The following TPP1 variants were observed in gnomAD, a reference collection of about 807,000 sequenced individuals.
TPP1 encodes the protein tripeptidyl peptidase 1.
Under a neutral mutation model 67.6 loss-of-function variants are expected in TPP1, and 43 were observed. The observed-to-expected ratio is 0.64, with a 90% CI of 0.50 to 0.82. The LOEUF (loss-of-function observed/expected upper bound fraction) is 0.82, where lower values mean the gene tolerates loss of function less well. TPP1 is among the 40% of genes least tolerant of loss of function. The probability of loss-of-function intolerance (pLI) is 0.00; values close to 1 mark genes in which losing one functional copy is unlikely to be tolerated. For synonymous variants in TPP1, 272 were observed against 281.5 expected (o/e 0.97, Z 0.34); for missense variants, 671 against 710.9 (o/e 0.94, Z 0.64).
At chr11:6,617,209 A>C in intron 5 of TPP1, 56 bp from the exon 6 acceptor site, 6 of 1,613,756 alleles carry the variant, frequency 3.7e-6, no homozygotes, top group Non-Finnish European at 5.1e-6. Context: ...CCCACCTTAC[A>C]ACTCACCCCA....
chr11:6,619,152 A>G (rs1289125046), intron 2 of TPP1, 44 bp downstream of exon 2: 2 of 1,610,032 alleles, frequency 1.2e-6, no homozygotes, highest in East Asian at 4.5e-5. Context: ...TGGGAGGCAG[A>G]ACAGGGTATG....
At chr11:6,618,408 G>C in intron 3 of TPP1, 1 of 476,548 alleles carries the variant, frequency 2.1e-6, no homozygotes. Flanking sequence ...CAGTAGTCCA[G>C]GAGTGGGAAT....
rs1023132270 is a variant in TPP1 at position 6,616,664 on chromosome 11, G to T, written c.883C>A (p.Pro295Thr). 5 of 1,613,852 alleles carry T rather than the reference G, an allele frequency of 3.1e-6. No homozygotes were observed. Among genetic ancestry groups the T allele is most frequent in the Non-Finnish European group, 4.2e-6 (5 of 1,179,976 alleles). ...TGTCCAGTCCTCTTGGTAGTACCAG[G>T]GCTACTGTAGACCCAGGTGGAGATG... ...ANISTWVYSS[P>T]GRHEGQEPFL... The change falls in exon 7 of 13, where the codon CCT becomes ACT. Residue 295 changes from proline to threonine, a missense_variant. By Grantham distance (38) the Pro-to-Thr change is conservative (BLOSUM62 -1). Coordinates refer to ENST00000299427, the MANE Select transcript of TPP1 (RefSeq NM_000391.4).
In TPP1 at chr11:6,614,699, C is replaced by G. The variant is rs1855548942; in HGVS notation, c.1552-13G>C. 6.2e-7 allele frequency: 1 copy of G among 1,614,132 alleles called. No homozygotes were observed. The highest frequency in any genetic ancestry group is 8.5e-7 in the Non-Finnish European group (1 of 1,180,024). ...AGCCACGGGTTACCTAGGGAGGAGG[C>G]TGGCATCAGATCTGGGCCTACTAGT... On this transcript the variant is annotated splice_polypyrimidine_tract_variant and intron_variant, in intron 12 of 12. Transcript: ENST00000299427.
At chr11:6,618,096 G>A (rs921688299) in intron 3 of TPP1, 7 of 404,256 alleles carry the variant, frequency 1.7e-5, no homozygotes, top group South Asian at 7.1e-5. Context: ...GCTTATGTCC[G>A]GTAAATGTTT....
Position 6,614,879 on chromosome 11 carries a change from G to A in TPP1, c.1538C>T (p.Ala513Val). The change falls in exon 12 of 13, where the codon GCA becomes GTA. Residue 513 changes from alanine (A) to valine (V), a missense_variant. By Grantham distance (64) the Ala-to-Val change is moderately conservative (BLOSUM62 0). Transcript: ENST00000299427. Reference protein sequence around the residue: ...LNPRLYQQHGAGLFDVTRGCH... With the variant: ...LNPRLYQQHGVGLFDVTRGCH... ...TTCCATACTTACATCAAAGAGTCCT[G>A]CCCCATGCTGCTGGTAGAGCCTTGG... 5 of 1,614,052 alleles carry A rather than the reference G, an allele frequency of 3.1e-6. No individual in the cohort carries two copies. Among genetic ancestry groups the A allele is most frequent in the Non-Finnish European group, 4.2e-6 (5 of 1,180,030 alleles).
At position 6,614,561 on chromosome 11, in the gene TPP1, A is replaced by C; in HGVS notation, c.1677T>G (p.Thr559=). The change falls in exon 13 of 13, where the codon ACT becomes ACG. Residue 559 remains threonine, a synonymous_variant. Transcript: ENST00000299427. Reference sequence around the variant, plus strand: ...TAGGAAAGGGTCAGGGGTTGAGTAGAGTCTTCAGCAAAGCTGGGAAGTTGG... The same window carrying C: ...TAGGAAAGGGTCAGGGGTTGAGTAGCGTCTTCAGCAAAGCTGGGAAGTTGG... ...GTPNFPALLK[T]LLNP 1 of 1,614,050 alleles carries C rather than the reference A, an allele frequency of 6.2e-7. No homozygotes were observed. The highest frequency in any genetic ancestry group is 2.2e-5 in the East Asian group (1 of 44,838).
Position 6,617,749 on chromosome 11 carries a change from G to C in TPP1, c.257C>G (p.Ala86Gly), listed in dbSNP as rs773275639. 2 of 1,614,220 alleles carry C rather than the reference G, an allele frequency of 1.2e-6. No individual in the cohort carries two copies. Among genetic ancestry groups the C allele is most frequent in the East Asian group, 4.5e-5 (2 of 44,890 alleles). ...CAGTGGGGATGGCCTCACCAGATCA[G>C]CCACATTCTCTAGGGTCAGGTATTT... ...YGKYLTLENV[A>G]DLVRPSPLTL... is the part of the protein sequence containing the mutation. The change falls in exon 4 of 13, where the codon GCT (alanine) becomes GGT (glycine). Residue 86 changes from alanine to glycine, a missense_variant. Transcript: ENST00000299427.
At position 6,618,758 on chromosome 11, in the gene TPP1, C is replaced by T. The variant is rs1233772193; in HGVS notation, c.229+18G>A. ...CCTCCACCGCATCCCACATCCTGTC[C>T]TCAGTCCCAAAAGGCACCGTATTGA... is the stretch of plus-strand genomic sequence containing the variant. On this transcript the variant is annotated intron_variant, in intron 3 of 12. Transcript: ENST00000299427. The T allele has an allele frequency of 1.2e-6, 2 of 1,613,202 alleles. No homozygotes were observed. The highest frequency in any genetic ancestry group is 1.7e-6 in the Non-Finnish European group (2 of 1,180,038).
chr11:6,617,874 T>C, intron 3 of TPP1, 98 bp from the exon 4 acceptor site: 11 of 1,554,382 alleles, frequency 7.1e-6, no homozygotes, highest in Non-Finnish European at 9.7e-6. Flanking sequence ...TCCCAAAGCC[T>C]GGAACAGGGT....
chr11:6,615,880 C>G (rs1226511773), intron 9 of TPP1, 125 bp downstream of exon 9: 2 of 1,110,580 alleles, frequency 1.8e-6, no homozygotes, highest in African/African-American at 1.5e-5. Flanking sequence ...GTACAGCAAC[C>G]AGGGCAGGCA....
At chr11:6,615,717 G>A (rs1855571383) in intron 9 of TPP1, 155 bp from the exon 10 acceptor site, 1 of 1,011,706 alleles carries the variant, frequency 9.9e-7, no homozygotes, top group African/African-American at 1.6e-5. Context: ...GAGCCTTCAA[G>A]GCATGGCCCG....
At chr11:6,617,876 G>A in intron 3 of TPP1, 100 bp from the exon 4 acceptor site, 1 of 1,549,068 alleles carries the variant, frequency 6.5e-7, no homozygotes, top group Non-Finnish European at 8.9e-7. Flanking sequence ...CCAAAGCCTG[G>A]AACAGGGTAA....
intron 5 of TPP1, 68 bp from the exon 6 acceptor site, chr11:6,617,221 C>T (rs751270002): frequency 3.7e-6 from 6 of 1,613,830 alleles, no homozygotes; most frequent in Admixed American, 1.7e-5. Flanking sequence ...CTCACCCCAC[C>T]CCCAGTCCCC....
chr11:6,615,361 G>A, intron 10 of TPP1, 32 bp from the exon 11 acceptor site: 1 of 1,614,150 alleles, frequency 6.2e-7, no homozygotes, highest in Non-Finnish European at 8.5e-7. Context: ...GTATTGGCAT[G>A]TGGCCTGCCC....
chr11:6,615,429 CA>C lies in TPP1; in HGVS notation c.1266+12del. On this transcript the variant is annotated intron_variant, in intron 10 of 12. Transcript: ENST00000299427. ...CACTCTTACCCTGCATCCATCCACA[CA>C]AACACACGTACCTGGTATGAAGGCC... The C allele has an allele frequency of 1.2e-6, 2 of 1,614,178 alleles. No individual in the cohort carries two copies. Among genetic ancestry groups the C allele is most frequent in the Non-Finnish European group, 1.7e-6 (2 of 1,180,028 alleles).
At chr11:6,617,865 C>T (rs1855610676) in intron 3 of TPP1, 89 bp from the exon 4 acceptor site, 2 of 1,581,810 alleles carry the variant, frequency 1.3e-6, no homozygotes, top group Admixed American at 1.7e-5. Context: ...ATCAGGACTT[C>T]CCAAAGCCTG....
intron 3 of TPP1, chr11:6,618,448 G>C (rs1261884564): frequency 1.8e-6 from 1 of 544,806 alleles, no homozygotes; most frequent in Non-Finnish European, 3.3e-6. Flanking sequence ...AACAAAAGAC[G>C]GCAAGAAGGA....
chr11:6,615,524 T>C lies in TPP1; in HGVS notation c.1184A>G (p.Glu395Gly). The C allele has an allele frequency of 6.2e-7, 1 of 1,614,158 alleles. No individual in the cohort carries two copies. The highest frequency in any genetic ancestry group is 8.5e-7 in the Non-Finnish European group (1 of 1,180,032). ...VTTVGGTSFQ[E>G]PFLITNEIVD... ...AATTTCATTTGTGATGAGGAAAGGT[T>C]CCTGGAAGGATGTGCCTCCCACTGT... The change falls in exon 10 of 13, where the codon GAA becomes GGA. Residue 395 changes from glutamate to glycine, a missense_variant. By Grantham distance (98) the Glu-to-Gly change is moderately conservative. Coordinates refer to ENST00000299427, the MANE Select transcript of TPP1 (RefSeq NM_000391.4).
Sources: allele counts gnomAD v4.1 joint callset, GRCh38; gene constraint gnomAD v4.1.1; transcripts MANE v1.5; gene names NCBI Gene and HGNC (gene_info 2026-07-23, HGNC 2026-07-21).